Variants in UBXN2A observed in about 807,000 individuals in gnomAD.
UBXN2A encodes UBX domain protein 2A.
UBXN2A carries 28 observed loss-of-function variants against 28.4 expected under a neutral mutation model. That is an observed-to-expected ratio of 0.99 (90% CI 0.73 to 1.35). The LOEUF (loss-of-function observed/expected upper bound fraction) is 1.35. UBXN2A is among the 40% of genes most tolerant of loss of function. The probability of loss-of-function intolerance (pLI) is 0.00; values close to 1 mark genes in which losing one functional copy is unlikely to be tolerated. For missense variants in UBXN2A, 253 were observed against 297.9 expected (o/e 0.85, Z 1.11); for synonymous variants, 97 against 103.6 (o/e 0.94, Z 0.39).
chr2:23,935,551 C>G (rs1367531589), upstream of UBXN2A, among the ~76,000 whole-genome samples: 1 of 152,160 alleles, frequency 6.6e-6, no homozygotes, highest in Non-Finnish European at 1.5e-5. Context: ...ACACTTCATA[C>G]TCATTAGGGC....
intron 1 of UBXN2A, among the ~76,000 whole-genome samples, chr2:23,953,485 T>C (rs1706469745): frequency 6.6e-6 from 1 of 152,238 alleles, no homozygotes; most frequent in Non-Finnish European, 1.5e-5. Context: ...AACTTATAGC[T>C]ACAGTCCCAT....
intron 2 of UBXN2A, among the ~76,000 whole-genome samples, chr2:23,958,647 G>GAT (rs1250924931): frequency 6.6e-6 from 1 of 152,134 alleles, no homozygotes; most frequent in East Asian, 1.9e-4. Context: ...TCTTGTGATA[G>GAT]ATACACTATT....
intron 1 of UBXN2A, among the ~76,000 whole-genome samples, 191 bp downstream of exon 1, chr2:23,940,839 G>A (rs1558834647): frequency 6.6e-6 from 1 of 151,134 alleles, no homozygotes; most frequent in Non-Finnish European, 1.5e-5. Flanking sequence ...GCCCGAGCCA[G>A]GGTCCCGCCC....
chr2:23,965,054 T>A (rs1009218323), intron 2 of UBXN2A, among the ~76,000 whole-genome samples: 4 of 151,882 alleles, frequency 2.6e-5, no homozygotes, highest in African/African-American at 9.7e-5. Flanking sequence ...ATTTTTCGTA[T>A]TTTTTTTATA....
At chr2:23,995,624 C>T (rs532069819) in intron 6 of UBXN2A, among the ~76,000 whole-genome samples, 16 of 149,156 alleles carry the variant, frequency 1.1e-4, no homozygotes, top group Non-Finnish European at 1.3e-4. Context: ...ACCCAGGGGG[C>T]GGAGCTTGCA....
chr2:23,999,879 C>T lies in UBXN2A; in HGVS notation c.*12C>T. 3.3e-5 allele frequency: 53 copies of T among 1,603,446 alleles called. No individual in the cohort carries two copies. The highest frequency in any genetic ancestry group is 4.4e-5 in the Non-Finnish European group (52 of 1,174,916). On this transcript the variant is annotated 3_prime_UTR_variant, in exon 7 of 7. Coordinates refer to ENST00000309033, the MANE Select transcript of UBXN2A (RefSeq NM_181713.4). ...TTTCAGAGCACTGATTTTTGATAGA[C>T]TAAGTGGAAAATTTGCAGAGAAATG...
intron 1 of UBXN2A, among the ~76,000 whole-genome samples, chr2:23,941,799 G>A (rs754881439): frequency 2.6e-5 from 4 of 152,158 alleles, no homozygotes; most frequent in Non-Finnish European, 4.4e-5. Context: ...AGGGCCCGGA[G>A]CGATGGCTCA....
In UBXN2A at chr2:23,976,966, C is replaced by T; in HGVS notation, c.181-3C>T. The T allele has an allele frequency of 1.2e-6, 2 of 1,602,700 alleles. No homozygotes were observed. The highest frequency in any genetic ancestry group is 1.7e-6 in the Non-Finnish European group (2 of 1,170,718). Reference sequence around the variant, plus strand: ...ACGCATTTTGTTTCCTACTGTTTTGCAGGTAGATGTAAATATAAAATTATG... The same window carrying T: ...ACGCATTTTGTTTCCTACTGTTTTGTAGGTAGATGTAAATATAAAATTATG... On this transcript the variant is annotated splice_polypyrimidine_tract_variant and splice_region_variant and intron_variant, in intron 3 of 6. Coordinates refer to ENST00000309033, the MANE Select transcript of UBXN2A (RefSeq NM_181713.4).
chr2:23,940,670 C>T (rs1163269787), intron 1 of UBXN2A, 22 bp downstream of exon 1: 2 of 151,632 alleles, frequency 1.3e-5, no homozygotes, highest in Non-Finnish European at 2.9e-5. Flanking sequence ...GGGGCCGCGC[C>T]GCGTCCGGCG....
Position 23,940,635 on chromosome 2 carries a change from G to A in UBXN2A, c.-28G>A, listed in dbSNP as rs1705703370. The A allele has an allele frequency of 6.6e-6, 1 of 151,686 alleles. No homozygotes were observed. The highest frequency in any genetic ancestry group is 1.5e-5 in the Non-Finnish European group (1 of 68,024). 9.4% of individuals were successfully genotyped at this position (151,686 alleles called of 1,614,324 possible). A position where few individuals can be genotyped will look rare whatever the true frequency, so the allele number is the denominator to read the frequency against. ...GAGCTGAGTGAGGCCGAGGCCGGGA[G>A]GCCGTGCCCGGAGGTGAGCGTCCCG... On this transcript the variant is annotated 5_prime_UTR_variant, in exon 1 of 7. Transcript: ENST00000309033.
chr2:23,966,319 G>A (rs2150854959), intron 2 of UBXN2A, among the ~76,000 whole-genome samples: 1 of 151,956 alleles, frequency 6.6e-6, no homozygotes, highest in Non-Finnish European at 1.5e-5. Context: ...TGTATTTTTA[G>A]TAGAGACGGG....
At chr2:23,966,233 G>A (rs1707155933) in intron 2 of UBXN2A, among the ~76,000 whole-genome samples, 1 of 151,966 alleles carries the variant, frequency 6.6e-6, no homozygotes, top group Non-Finnish European at 1.5e-5. Context: ...CCGCCTCCCA[G>A]GTTCAAGCAT....
At chr2:23,950,860 C>T (rs909823560) in intron 1 of UBXN2A, among the ~76,000 whole-genome samples, 37 of 151,820 alleles carry the variant, frequency 2.4e-4, no homozygotes, top group Non-Finnish European at 3.4e-4. Flanking sequence ...TGCGCCACCA[C>T]ACCCATGCGT....
chr2:23,972,660 A>G (rs1371396465), intron 3 of UBXN2A, among the ~76,000 whole-genome samples: 1 of 151,846 alleles, frequency 6.6e-6, no homozygotes, highest in Admixed American at 6.6e-5. Flanking sequence ...TGTCTCTACT[A>G]AAAATACAAA....
At chr2:23,982,240 G>A (rs563302444) in intron 4 of UBXN2A, among the ~76,000 whole-genome samples, 4 of 151,836 alleles carry the variant, frequency 2.6e-5, no homozygotes, top group South Asian at 4.2e-4. Context: ...GGTGGCAGGC[G>A]CCTGTAGTCC....
intron 6 of UBXN2A, among the ~76,000 whole-genome samples, chr2:23,988,583 T>C (rs1708221965): frequency 6.6e-6 from 1 of 152,192 alleles, no homozygotes. Context: ...GGTGGCATCA[T>C]TTACATTTGT....
At chr2:23,933,261 C>T (rs1016128469) in intron 1 of UBXN2A, among the ~76,000 whole-genome samples, 17 of 152,138 alleles carry the variant, frequency 1.1e-4, no homozygotes, top group African/African-American at 3.6e-4. Context: ...AATCCCAGCA[C>T]TTTGGGAGGC....
chr2:23,998,513 A>T (rs1708625326), intron 6 of UBXN2A, among the ~76,000 whole-genome samples: 1 of 152,124 alleles, frequency 6.6e-6, no homozygotes, highest in South Asian at 2.1e-4. Flanking sequence ...TGAGGTCAGG[A>T]GTTCAAACAA....
intron 6 of UBXN2A, among the ~76,000 whole-genome samples, chr2:23,988,274 C>T (rs1413045809): frequency 6.6e-6 from 1 of 152,162 alleles, no homozygotes; most frequent in Admixed American, 6.5e-5. Context: ...CCATTTAAAT[C>T]AGGAAACTTA....
Sources: allele counts gnomAD v4.1 joint callset (sites outside exome capture counted in the v4.1 genomes callset), GRCh38; gene constraint gnomAD v4.1.1; transcripts MANE v1.5; gene names NCBI Gene and HGNC (gene_info 2026-07-23, HGNC 2026-07-21).